TRAPPC9: variants seen among roughly 807,000 people sequenced by gnomAD.
TRAPPC9 encodes trafficking protein particle complex subunit 9, also known as IKK2 binding protein.
TRAPPC9 carries 83 observed loss-of-function variants against 124.0 expected under a neutral mutation model. The observed-to-expected ratio is 0.67, with a 90% CI of 0.56 to 0.80. TRAPPC9 has a LOEUF of 0.80. TRAPPC9 is among the 30% of genes least tolerant of loss of function. The probability of loss-of-function intolerance (pLI) is 0.00; values close to 1 mark genes in which losing one functional copy is unlikely to be tolerated. For synonymous variants in TRAPPC9, 638 were observed against 617.5 expected, an observed-to-expected ratio of 1.03 and a Z score of -0.49; for missense variants, 1,302 against 1,508.3, an observed-to-expected ratio of 0.86 and a Z score of 2.27.
At chr8:140,271,614 A>G (rs1283564307) in intron 15 of TRAPPC9, among the ~76,000 whole-genome samples, 1 of 152,232 alleles carries the variant, frequency 6.6e-6, no homozygotes, top group Non-Finnish European at 1.5e-5. Flanking sequence ...AAAAGAGGAT[A>G]TACGAGTGGC....
intron 17 of TRAPPC9, among the ~76,000 whole-genome samples, chr8:140,184,277 C>T (rs1244595608): frequency 6.6e-6 from 1 of 151,934 alleles, no homozygotes; most frequent in East Asian, 1.9e-4. Flanking sequence ...AAGTGTTATA[C>T]TGTTCTTTGA....
intron 19 of TRAPPC9, among the ~76,000 whole-genome samples, chr8:139,972,231 G>T (rs778899820): frequency 1.3e-5 from 2 of 152,056 alleles, no homozygotes; most frequent in Non-Finnish European, 2.9e-5. Context: ...TGAGCAAAAC[G>T]CATTTAAGGA....
At chr8:140,397,247 C>T (rs1350656765) in intron 7 of TRAPPC9, among the ~76,000 whole-genome samples, 5 of 152,172 alleles carry the variant, frequency 3.3e-5, no homozygotes, top group Non-Finnish European at 7.4e-5. Context: ...TAAGTGCTTT[C>T]ACAAACTGCA....
At chr8:139,991,297 A>G (rs1013616890) in intron 18 of TRAPPC9, among the ~76,000 whole-genome samples, 1 of 152,216 alleles carries the variant, frequency 6.6e-6, no homozygotes, top group Non-Finnish European at 1.5e-5. Context: ...AGCAGCATCA[A>G]TACACAATGC....
chr8:140,108,595 G>C (rs1320655583), intron 17 of TRAPPC9, among the ~76,000 whole-genome samples: 5 of 152,250 alleles, frequency 3.3e-5, no homozygotes, highest in African/African-American at 1.2e-4. Flanking sequence ...TGACCAGGAA[G>C]ATAAGTTGAA....
chr8:139,808,396 G>C (rs986187809), intron 21 of TRAPPC9, among the ~76,000 whole-genome samples: 1 of 152,196 alleles, frequency 6.6e-6, no homozygotes, highest in South Asian at 2.1e-4. Flanking sequence ...AGGAGGTGAA[G>C]GTTGCAGTGA....
chr8:139,943,570 T>C (rs574204789), intron 19 of TRAPPC9, among the ~76,000 whole-genome samples: 2 of 152,296 alleles, frequency 1.3e-5, no homozygotes, highest in East Asian at 3.9e-4. Flanking sequence ...ACTCAATAAA[T>C]TGACATCAAT....
chr8:140,231,088 G>A (rs1306323110), intron 16 of TRAPPC9, among the ~76,000 whole-genome samples: 1 of 152,246 alleles, frequency 6.6e-6, no homozygotes, highest in Non-Finnish European at 1.5e-5. Flanking sequence ...GTTTGCCACA[G>A]TGCCTAGCAC....
chr8:139,803,575 G>A (rs1361231601), intron 21 of TRAPPC9, among the ~76,000 whole-genome samples: 1 of 152,208 alleles, frequency 6.6e-6, no homozygotes, highest in East Asian at 1.9e-4. Flanking sequence ...CCCAAACACA[G>A]CTGGATACCA....
At chr8:139,855,104 C>T (rs938736012) in intron 21 of TRAPPC9, among the ~76,000 whole-genome samples, 1 of 152,190 alleles carries the variant, frequency 6.6e-6, no homozygotes, top group Admixed American at 6.5e-5. Context: ...CCACAAACAT[C>T]CCTGGAAGCC....
chr8:140,156,032 G>C (rs147658265), intron 17 of TRAPPC9, among the ~76,000 whole-genome samples: 1 of 152,188 alleles, frequency 6.6e-6, no homozygotes, highest in African/African-American at 2.4e-5. Flanking sequence ...AGTCATGTTA[G>C]CTGTATAATT....
chr8:139,974,876 T>G (rs1011078376), intron 19 of TRAPPC9, among the ~76,000 whole-genome samples: 1 of 152,002 alleles, frequency 6.6e-6, no homozygotes, highest in Non-Finnish European at 1.5e-5. Flanking sequence ...CTCTCCGCCT[T>G]GTTCCCCAGG....
At chr8:140,141,510 C>T (rs1050977622) in intron 17 of TRAPPC9, among the ~76,000 whole-genome samples, 6 of 152,156 alleles carry the variant, frequency 3.9e-5, no homozygotes, top group South Asian at 2.1e-4. Flanking sequence ...TAAGAGGGGA[C>T]GACTGTATGT....
At chr8:140,283,074 C>CA (rs2065372691) in intron 14 of TRAPPC9, among the ~76,000 whole-genome samples, 1 of 151,540 alleles carries the variant, frequency 6.6e-6, no homozygotes. Context: ...CCCATCTCTA[C>CA]AAAAAATACA....
intron 10 of TRAPPC9, among the ~76,000 whole-genome samples, chr8:140,309,780 G>A (rs922986112): frequency 2.0e-5 from 3 of 152,234 alleles, no homozygotes; most frequent in African/African-American, 7.2e-5. Context: ...CCTGAGTGCT[G>A]AGCAAGCACT....
At chr8:140,193,791 A>G (rs2131099589) in intron 17 of TRAPPC9, among the ~76,000 whole-genome samples, 2 of 152,362 alleles carry the variant, frequency 1.3e-5, no homozygotes, top group Middle Eastern at 6.8e-3. Flanking sequence ...GATTGTGGAC[A>G]AACTATCGCT....
intron 20 of TRAPPC9, among the ~76,000 whole-genome samples, chr8:139,901,019 A>AAATAT (rs1563907176): frequency 1.1e-4 from 17 of 151,556 alleles, no homozygotes; most frequent in Admixed American, 2.0e-4. Flanking sequence ...ATAAATAAAT[A>AAATAT]AAAATAAAAT....
intron 21 of TRAPPC9, among the ~76,000 whole-genome samples, chr8:139,828,625 G>C (rs1031415590): frequency 6.6e-6 from 1 of 152,206 alleles, no homozygotes; most frequent in African/African-American, 2.4e-5. Flanking sequence ...GAGTTCCCCA[G>C]GGTGTCTGAC....
intron 17 of TRAPPC9, among the ~76,000 whole-genome samples, chr8:140,203,719 G>C (rs1241822709): frequency 9.9e-5 from 15 of 152,264 alleles, no homozygotes. Context: ...TCTGCTGGAA[G>C]TGAGAAGGAC....
Sources: gnomAD v4.1 joint callset for allele counts (sites outside exome capture counted in the v4.1 genomes callset) on GRCh38, gnomAD v4.1.1 for gene constraint, MANE v1.5 for transcripts, NCBI Gene and HGNC (gene_info 2026-07-23, HGNC 2026-07-21) for gene names.